Variants in PRPF6 observed in about 807,000 individuals in gnomAD.
PRPF6 encodes the protein pre-mRNA processing factor 6, also known as pre-mRNA-processing factor 6.
A neutral mutation model predicts 118.3 loss-of-function variants in PRPF6; 42 were observed. The ratio of observed to expected loss-of-function variants is 0.35; its 90% CI spans 0.28 to 0.46. The LOEUF is 0.46. PRPF6 is among the 20% of genes least tolerant of loss of function. PRPF6 has a pLI of 1.00. For synonymous variants in PRPF6, 481 were observed against 485.1 expected (o/e 0.99, Z 0.11); for missense variants, 662 against 1,255.7 (o/e 0.53, Z 7.15).
chr20:64,001,893 G>A (rs1289010437), intron 9 of PRPF6, among the ~76,000 whole-genome samples: 1 of 152,090 alleles, frequency 6.6e-6, no homozygotes, highest in Admixed American at 6.6e-5. Context: ...TCCTGTCACT[G>A]GAAGTGTGTA....
chr20:64,025,793 C>T, intron 14 of PRPF6, 146 bp from the exon 15 acceptor site: 1 of 1,445,156 alleles, frequency 6.9e-7, no homozygotes, highest in Non-Finnish European at 9.6e-7. Context: ...TCTGTCATCT[C>T]CTCCCTGGGA....
chr20:64,028,440 T>C lies in PRPF6; in HGVS notation c.2340-38T>C. ...AAGCTACCAGAATATGTGCTGTTGG[T>C]AGACGGCTGTGGGACCTCCGGGGGC... is the stretch of plus-strand genomic sequence containing the variant. On this transcript the variant is annotated intron_variant, in intron 17 of 20. Coordinates refer to ENST00000266079, the MANE Select transcript of PRPF6 (RefSeq NM_012469.4). The surrounding 1 kb of genome is among the most constrained non-coding windows in gnomAD (Gnocchi z 6.5). The C allele has an allele frequency of 6.2e-7, 1 of 1,606,940 alleles. No homozygotes were observed. The highest frequency in any genetic ancestry group is 8.5e-7 in the Non-Finnish European group (1 of 1,173,984).
rs985979345 is a variant in PRPF6, at chr20:64,026,717, G to T, written c.2029-265G>T. Among the ~76,000 whole-genome samples the T allele has an allele frequency of 1.3e-5, 2 of 151,128 alleles. No homozygotes were observed. The highest frequency in any genetic ancestry group is 2.4e-5 in the African/African-American group (1 of 40,994). On this transcript the variant is annotated intron_variant, in intron 15 of 20. Transcript: ENST00000266079. The surrounding 1 kb of genome is among the most constrained non-coding windows in gnomAD (Gnocchi z 4.4). ...TGGGAGGCTGAGGCAGGAGAATGGTGTGAACCCAGCAGGTGGAGCTTGCAG... is the reference window on the plus strand; with the variant it reads ...TGGGAGGCTGAGGCAGGAGAATGGTTTGAACCCAGCAGGTGGAGCTTGCAG...
rs1205623913 is a variant in PRPF6, at chr20:63,995,113, A to G, written c.615+21A>G. The G allele has an allele frequency of 2.5e-6, 4 of 1,614,148 alleles. No individual in the cohort carries two copies. The South Asian group carries it at 4.4e-5, about 18-fold the overall frequency. ...AAACTGTGAGCTTCCAAAAAAGGGC[A>G]CATGTGGCCCATTTAGTCCTGTTAG... On this transcript the variant is annotated intron_variant, in intron 5 of 20. Coordinates refer to ENST00000266079, the MANE Select transcript of PRPF6 (RefSeq NM_012469.4).
In PRPF6 at chr20:63,995,334, G is replaced by A; in HGVS notation, c.623G>A (p.Gly208Glu). The part of the protein sequence containing the change: ...TSVDPRQTQF[G>E]GLNTPYPGGL... ...TCCTCTCTTCCCCTCCAGCAATTTG[G>A]AGGTCTTAACACACCCTATCCAGGT... is the stretch of plus-strand genomic sequence containing the variant. Residue 208 changes from glycine (G) to glutamate (E), a missense_variant, in exon 6 of 21, where the codon GGA becomes GAA. This residue lies in a region of PRPF6 where 97 missense variants were observed against 122.6 expected (regional missense o/e 0.79). Coordinates refer to ENST00000266079, the MANE Select transcript of PRPF6 (RefSeq NM_012469.4). 6.2e-7 allele frequency: 1 copy of A among 1,611,908 alleles called. No individual in the cohort carries two copies. Among genetic ancestry groups the A allele is most frequent in the South Asian group, 1.1e-5 (1 of 90,804 alleles).
intron 12 of PRPF6, among the ~76,000 whole-genome samples, chr20:64,022,377 G>A (rs556305513): frequency 9.9e-5 from 15 of 152,250 alleles, no homozygotes; most frequent in African/African-American, 3.4e-4. Context: ...GCGTGATCTC[G>A]GCTCACTGCA....
At chr20:64,002,017 T>A (rs1285008317) in intron 9 of PRPF6, among the ~76,000 whole-genome samples, 2,241 of 118,304 alleles carry the variant, frequency 0.019, 57 homozygotes, top group African/African-American at 0.064. Flanking sequence ...TTTTCTGGTT[T>A]TTTTTTTTTT....
Position 64,027,853 on chromosome 20 carries a change from G to C in PRPF6, c.2339+117G>C. ...GCAGTGCTTCCAGGCTCAGGGGCTTGGGGGGCGGTAGGTGCTGGCCATGAA... is the reference window on the plus strand; with the variant it reads ...GCAGTGCTTCCAGGCTCAGGGGCTTCGGGGGCGGTAGGTGCTGGCCATGAA... On this transcript the variant is annotated intron_variant, in intron 17 of 20. Coordinates refer to ENST00000266079, the MANE Select transcript of PRPF6 (RefSeq NM_012469.4). The surrounding 1 kb of genome is among the most constrained non-coding windows in gnomAD (Gnocchi z 6.5). 6.8e-7 allele frequency: 1 copy of C among 1,461,924 alleles called. No individual in the cohort carries two copies. The allele number at this position is 1,461,924 out of a possible 1,614,324, so 90.6% of individuals were successfully genotyped here.
At chr20:64,031,883 A>T in intron 19 of PRPF6, 35 bp from the exon 20 acceptor site, 1 of 1,613,616 alleles carries the variant, frequency 6.2e-7, no homozygotes, top group Non-Finnish European at 8.5e-7. Flanking sequence ...TCCTGCAGCC[A>T]CTCACTCTGG....
Position 64,016,685 on chromosome 20 carries a change from T to C in PRPF6, c.1525-38T>C, listed in dbSNP as rs745325887. 1.9e-6 allele frequency: 3 copies of C among 1,612,902 alleles called. No individual in the cohort carries two copies. The African/African-American group carries it at 4.0e-5, about 22-fold the overall frequency. On this transcript the variant is annotated intron_variant, in intron 11 of 20. Transcript: ENST00000266079. ...CCCGTTGGGAATCTGCAGCTCTGATTTCCAAAATCACAAATAAGTTTTGTG... is the reference window on the plus strand; with the variant it reads ...CCCGTTGGGAATCTGCAGCTCTGATCTCCAAAATCACAAATAAGTTTTGTG...
At chr20:63,994,554 A>C (rs1305131373) in intron 4 of PRPF6, among the ~76,000 whole-genome samples, 1 of 152,136 alleles carries the variant, frequency 6.6e-6, no homozygotes, top group African/African-American at 2.4e-5. Flanking sequence ...CTGAGGTGGG[A>C]GGATCACTTG....
At chr20:64,024,727 G>C in intron 14 of PRPF6, 34 bp downstream of exon 14, 1 of 1,605,622 alleles carries the variant, frequency 6.2e-7, no homozygotes, top group South Asian at 1.1e-5. Context: ...TGAGGGGCCT[G>C]TGCACACAGG....
chr20:64,005,154 T>C (rs944114088), intron 9 of PRPF6, among the ~76,000 whole-genome samples: 4 of 152,200 alleles, frequency 2.6e-5, no homozygotes, highest in Admixed American at 6.5e-5. Flanking sequence ...TGGTGTGCCA[T>C]GTGGCTTCCG....
chr20:63,992,927 T>C (rs2059124791), intron 3 of PRPF6, among the ~76,000 whole-genome samples: 1 of 151,850 alleles, frequency 6.6e-6, no homozygotes. Context: ...TTAAAATATA[T>C]TTGATTTGGG....
rs552732782 is a variant in PRPF6, at chr20:64,007,997, G to A, written c.1187-2203G>A. 5.9e-5 allele frequency among the ~76,000 whole-genome samples: 9 copies of A among 152,208 alleles called. No homozygotes were observed. In the South Asian group the frequency reaches 8.3e-4, roughly 14 times the overall value. On this transcript the variant is annotated intron_variant, in intron 9 of 20. Transcript: ENST00000266079. ...TCACTGTGTTGGCCACGCTGGTCTC[G>A]AACTCCTGACCTCAGGTGATCTGCC...
chr20:64,016,791 G>T lies in PRPF6; in HGVS notation c.1593G>T (p.Gly531=), dbSNP rs952122128. ...TCQAVMRAVI[G]IGIEEEDRKH... ...AGGCCGTCATGCGTGCCGTGATTGG[G>T]ATTGGGATTGAGGAGGAAGATCGGA... Residue 531 remains glycine, a synonymous_variant, in exon 12 of 21, where the codon GGG becomes GGT. Transcript: ENST00000266079. 4 of 1,614,220 alleles carry T rather than the reference G, an allele frequency of 2.5e-6. No individual in the cohort carries two copies. Among genetic ancestry groups the T allele is most frequent in the Non-Finnish European group, 3.4e-6 (4 of 1,180,044 alleles).
rs138297474 is a variant in PRPF6, at chr20:64,026,366, C to CATGGT, written c.2028+308_2028+309insATGGT. On this transcript the variant is annotated intron_variant, in intron 15 of 20. Transcript: ENST00000266079. The surrounding 1 kb of genome is among the most constrained non-coding windows in gnomAD (Gnocchi z 4.4). ...TACTAAAAATACAAAATTAGCCGGG[C>CATGGT]GTGGTGGTGCGTGCCTGTAATCCCA... Among the ~76,000 whole-genome samples, 2 of 151,642 alleles carry CATGGT rather than the reference C, an allele frequency of 1.3e-5. No individual in the cohort carries two copies. The highest frequency in any genetic ancestry group is 4.9e-5 in the African/African-American group (2 of 41,232).
At chr20:63,996,237 G>T (rs1423071426) in intron 6 of PRPF6, among the ~76,000 whole-genome samples, 1 of 152,176 alleles carries the variant, frequency 6.6e-6, no homozygotes, top group Non-Finnish European at 1.5e-5. Context: ...TACTTGGGAG[G>T]CTAAGGCAGG....
intron 12 of PRPF6, among the ~76,000 whole-genome samples, chr20:64,022,476 T>C (rs1297256073): frequency 6.6e-6 from 1 of 152,084 alleles, no homozygotes; most frequent in Non-Finnish European, 1.5e-5. Context: ...TCTGGTTAAT[T>C]TTTGTATTTT....
Sources: gnomAD v4.1 joint callset for allele counts (sites outside exome capture counted in the v4.1 genomes callset) on GRCh38, gnomAD v4.1.1 for gene constraint, gnomAD v4.1.1 regional missense constraint, Gnocchi (gnomAD v3.1) non-coding constraint, MANE v1.5 for transcripts, NCBI Gene and HGNC (gene_info 2026-07-23, HGNC 2026-07-21) for gene names.